The following SNTG1 variants were observed in gnomAD, a reference collection of about 807,000 sequenced individuals.
SNTG1 encodes gamma-1-syntrophin.
SNTG1 carries 39 observed loss-of-function variants against 74.7 expected under a neutral mutation model. That is an observed-to-expected ratio of 0.52 (90% CI 0.40 to 0.68). The LOEUF (loss-of-function observed/expected upper bound fraction) is 0.68, where lower values mean the gene tolerates loss of function less well. SNTG1 is among the 30% of genes least tolerant of loss of function. SNTG1 has a pLI of 0.00. For synonymous variants in SNTG1, 254 were observed against 217.1 expected (o/e 1.17, Z -1.49); for missense variants, 685 against 609.5 (o/e 1.12, Z -1.30).
At chr8:49,986,173 A>T (rs1813135277) in intron 1 of SNTG1, among the ~76,000 whole-genome samples, 3 of 152,202 alleles carry the variant, frequency 2.0e-5, no homozygotes, top group Admixed American at 1.3e-4. Context: ...TGTATAAAAT[A>T]AAAAAGGGGA....
chr8:50,301,103 A>C (rs1036783977), intron 2 of SNTG1, among the ~76,000 whole-genome samples: 1 of 152,112 alleles, frequency 6.6e-6, no homozygotes, highest in Non-Finnish European at 1.5e-5. Context: ...CTAGATGTAC[A>C]GGATAATATT....
chr8:50,411,735 G>C (rs1489441914), intron 4 of SNTG1, among the ~76,000 whole-genome samples: 1 of 152,114 alleles, frequency 6.6e-6, no homozygotes, highest in Non-Finnish European at 1.5e-5. Flanking sequence ...TCACCACTAG[G>C]GACATTTACG....
chr8:49,943,705 T>C (rs1423014014), intron 1 of SNTG1, among the ~76,000 whole-genome samples: 2 of 152,280 alleles, frequency 1.3e-5, no homozygotes, highest in Admixed American at 1.3e-4. Context: ...GATGAAAATA[T>C]TTCTGTACTT....
rs117232968 is a variant in SNTG1, at chr8:50,010,702, T to A, written c.-103+98471T>A. ...TTCTTACTAAAAACATCCCCGTAGG[T>A]ATACTCAGAATATTTAAGAGGAATT... On this transcript the variant is annotated intron_variant, in intron 1 of 18. Coordinates refer to ENST00000642720, the MANE Select transcript of SNTG1 (RefSeq NM_018967.5). Among the ~76,000 whole-genome samples, 560 of 151,630 alleles carry A rather than the reference T, an allele frequency of 3.7e-3. 2 individuals are homozygous for A. The highest frequency in any genetic ancestry group is 6.7e-3 in the Non-Finnish European group (455 of 67,898).
At chr8:49,916,353 T>A (rs184573000) in intron 1 of SNTG1, among the ~76,000 whole-genome samples, 72 of 152,260 alleles carry the variant, frequency 4.7e-4, no homozygotes, top group Non-Finnish European at 8.8e-4. Context: ...TTCTACACAC[T>A]GAAAGAGTCA....
intron 1 of SNTG1, among the ~76,000 whole-genome samples, chr8:50,123,002 C>A (rs111290921): frequency 7.0e-6 from 1 of 142,744 alleles, no homozygotes; most frequent in Non-Finnish European, 1.6e-5. Context: ...TTCTAGCATA[C>A]TGTGACAGAT....
intron 18 of SNTG1, among the ~76,000 whole-genome samples, chr8:50,787,488 C>T (rs2095679013): frequency 6.6e-6 from 1 of 151,854 alleles, no homozygotes; most frequent in Admixed American, 6.6e-5. Context: ...AGCAATTCCA[C>T]TTCTAGATAT....
chr8:50,684,991 T>G (rs1452214979), intron 15 of SNTG1, among the ~76,000 whole-genome samples: 1 of 148,408 alleles, frequency 6.7e-6, no homozygotes, highest in African/African-American at 2.5e-5. Flanking sequence ...TTTACTCAAA[T>G]TCACCTTTTT....
At chr8:50,427,906 A>C (rs1313896360) in intron 4 of SNTG1, among the ~76,000 whole-genome samples, 1 of 152,198 alleles carries the variant, frequency 6.6e-6, no homozygotes, top group Non-Finnish European at 1.5e-5. Flanking sequence ...TGTCTAACTC[A>C]ATTAGAAGTC....
chr8:50,193,142 G>T (rs1221100931), intron 2 of SNTG1, among the ~76,000 whole-genome samples: 1 of 151,878 alleles, frequency 6.6e-6, no homozygotes, highest in Non-Finnish European at 1.5e-5. Context: ...GCTTGTTTTT[G>T]GATCCATATG....
chr8:50,202,027 T>C (rs765968877), intron 2 of SNTG1, among the ~76,000 whole-genome samples: 2 of 152,182 alleles, frequency 1.3e-5, no homozygotes, highest in African/African-American at 4.8e-5. Flanking sequence ...ACCGTTCTTA[T>C]GTGCCGTTCT....
intron 2 of SNTG1, among the ~76,000 whole-genome samples, chr8:50,321,889 T>A (rs1007034922): frequency 2.1e-4 from 32 of 152,260 alleles, no homozygotes; most frequent in Non-Finnish European, 4.1e-4. Flanking sequence ...TACTTTTTAC[T>A]GTCTATGTCT....
chr8:50,150,410 G>T (rs1419272705), intron 1 of SNTG1, among the ~76,000 whole-genome samples: 1 of 152,036 alleles, frequency 6.6e-6, no homozygotes, highest in Non-Finnish European at 1.5e-5. Flanking sequence ...GATTGCCCTG[G>T]CCAGAACTTC....
chr8:50,619,497 C>T (rs564207328), intron 13 of SNTG1, among the ~76,000 whole-genome samples: 11 of 152,116 alleles, frequency 7.2e-5, no homozygotes, highest in African/African-American at 2.4e-4. Flanking sequence ...TTTGGGAGGC[C>T]GAGGCGGGCA....
intron 18 of SNTG1, among the ~76,000 whole-genome samples, chr8:50,764,887 T>C (rs1332696396): frequency 6.6e-6 from 1 of 151,934 alleles, no homozygotes; most frequent in Non-Finnish European, 1.5e-5. Flanking sequence ...TAAATGTCCA[T>C]CAACTGATAA....
At chr8:50,611,192 G>A (rs1252342327) in intron 13 of SNTG1, among the ~76,000 whole-genome samples, 2 of 152,132 alleles carry the variant, frequency 1.3e-5, no homozygotes, top group Non-Finnish European at 2.9e-5. Flanking sequence ...CTTTGGCAAA[G>A]GGTCCTGTTC....
chr8:50,425,523 G>GTGAGTTGTA (rs2093152437), intron 4 of SNTG1, among the ~76,000 whole-genome samples: 1 of 152,006 alleles, frequency 6.6e-6, no homozygotes, highest in Admixed American at 6.6e-5. Flanking sequence ...CTACATTATG[G>GTGAGTTGTA]TGAGTTGTAT....
intron 2 of SNTG1, among the ~76,000 whole-genome samples, chr8:50,230,340 A>T (rs1198669733): frequency 6.6e-6 from 1 of 151,278 alleles, no homozygotes; most frequent in Admixed American, 6.6e-5. Flanking sequence ...GAGAAGACAT[A>T]AATTACCAAT....
chr8:50,492,212 T>G (rs1250803043), intron 8 of SNTG1, among the ~76,000 whole-genome samples: 1 of 152,196 alleles, frequency 6.6e-6, no homozygotes, highest in Non-Finnish European at 1.5e-5. Flanking sequence ...GCATGTGTCT[T>G]TATGGTAGAA....
Sources: gnomAD v4.1 joint callset for allele counts (sites outside exome capture counted in the v4.1 genomes callset) on GRCh38, gnomAD v4.1.1 for gene constraint, MANE v1.5 for transcripts, NCBI Gene and HGNC (gene_info 2026-07-23, HGNC 2026-07-21) for gene names.